The following HMG20A variants were observed in gnomAD, a reference collection of about 807,000 sequenced individuals.
HMG20A encodes high mobility group 20A.
HMG20A carries 17 observed loss-of-function variants against 43.9 expected under a neutral mutation model. The observed-to-expected ratio is 0.39, with a 90% CI of 0.27 to 0.58. The LOEUF is 0.58. Among genes scored for constraint, HMG20A ranks in the 20% least tolerant of loss-of-function variants. The pLI is 0.59. For missense variants in HMG20A, 341 were observed against 438.2 expected (o/e 0.78, Z 1.98); for synonymous variants, 132 against 147.5 (o/e 0.89, Z 0.76).
chr15:77,468,515 C>G (rs989970625), intron 4 of HMG20A, among the ~76,000 whole-genome samples: 1 of 151,928 alleles, frequency 6.6e-6, no homozygotes, highest in African/African-American at 2.4e-5. Flanking sequence ...TTCCATTTCT[C>G]CATTTGCATA....
At chr15:77,508,963 C>A in the HMG20A span, among the ~76,000 whole-genome samples, 1 of 152,200 alleles carries the variant, frequency 6.6e-6, no homozygotes, top group Non-Finnish European at 1.5e-5. Context: ...CTTCCCATGG[C>A]CTCTTTGGCC....
At chr15:77,516,773 G>C in the HMG20A span, among the ~76,000 whole-genome samples, 1 of 151,972 alleles carries the variant, frequency 6.6e-6, no homozygotes, top group Non-Finnish European at 1.5e-5. Context: ...GGGCATTCCG[G>C]GAAAAGGGGA....
intron 1 of HMG20A, chr15:77,447,622 A>G (rs578220735): frequency 1.3e-5 from 2 of 152,336 alleles, no homozygotes; most frequent in South Asian, 2.1e-4. Flanking sequence ...ATGTACCATC[A>G]CATAAGGAAT....
the HMG20A span, among the ~76,000 whole-genome samples, chr15:77,515,354 T>C: frequency 1.3e-5 from 2 of 152,220 alleles, no homozygotes; most frequent in African/African-American, 4.8e-5. Context: ...GGTGGAAGTC[T>C]GGATTTCGAT....
chr15:77,447,531 G>A (rs1020457257), intron 1 of HMG20A, among the ~76,000 whole-genome samples: 4 of 152,064 alleles, frequency 2.6e-5, no homozygotes, highest in African/African-American at 7.2e-5. Context: ...AACTGTGCCA[G>A]TCTCTTTTGA....
At chr15:77,498,162 A>G in the HMG20A span, among the ~76,000 whole-genome samples, 8 of 152,292 alleles carry the variant, frequency 5.3e-5, no homozygotes, top group African/African-American at 1.2e-4. Context: ...TAAAAATAGC[A>G]TGCAGCACAC....
At chr15:77,498,756 C>CTA in the HMG20A span, among the ~76,000 whole-genome samples, 2 of 152,204 alleles carry the variant, frequency 1.3e-5, no homozygotes, top group African/African-American at 4.8e-5. Context: ...AAAACATTTT[C>CTA]CTGGGTTCTA....
At chr15:77,464,438 G>T in intron 3 of HMG20A, 51 bp downstream of exon 3, 1 of 1,586,028 alleles carries the variant, frequency 6.3e-7, no homozygotes. Context: ...TTCTGAAGAA[G>T]CAGTCACAAG....
At chr15:77,514,224 A>C in the HMG20A span, among the ~76,000 whole-genome samples, 1 of 152,252 alleles carries the variant, frequency 6.6e-6, no homozygotes, top group Non-Finnish European at 1.5e-5. Context: ...TCCACAGCAG[A>C]CAGCATGAAT....
intron 1 of HMG20A, among the ~76,000 whole-genome samples, chr15:77,450,826 G>A (rs2073728919): frequency 6.6e-6 from 1 of 152,224 alleles, no homozygotes; most frequent in Admixed American, 6.5e-5. Flanking sequence ...TACAATGAAG[G>A]AGAGTTCTTG....
At chr15:77,493,260 A>T in the HMG20A span, among the ~76,000 whole-genome samples, 107 of 152,204 alleles carry the variant, frequency 7.0e-4, no homozygotes, top group African/African-American at 2.4e-3. Context: ...ACTTTTTTCG[A>T]TGGTGGGGTC....
chr15:77,511,576 A>G, the HMG20A span, among the ~76,000 whole-genome samples: 1 of 152,238 alleles, frequency 6.6e-6, no homozygotes, highest in South Asian at 2.1e-4. Context: ...GTGTCCAACA[A>G]CAGAAGAAAC....
intron 9 of HMG20A, among the ~76,000 whole-genome samples, chr15:77,481,057 A>G (rs987289703): frequency 9.9e-5 from 15 of 152,226 alleles, no homozygotes; most frequent in Admixed American, 8.5e-4. Context: ...ACTCATATAC[A>G]TAATTTATAT....
At chr15:77,509,798 C>T in the HMG20A span, among the ~76,000 whole-genome samples, 3 of 151,412 alleles carry the variant, frequency 2.0e-5, no homozygotes, top group Admixed American at 6.6e-5. Flanking sequence ...TCCCAGCTAC[C>T]TGGGAGGCTG....
chr15:77,508,345 G>T, the HMG20A span, among the ~76,000 whole-genome samples: 1 of 152,166 alleles, frequency 6.6e-6, no homozygotes, highest in African/African-American at 2.4e-5. Flanking sequence ...TCCCTTCGTT[G>T]CTTCTTGCAG....
At chr15:77,422,888 AAAG>A (rs1202325049) in intron 1 of HMG20A, among the ~76,000 whole-genome samples, 5 of 152,336 alleles carry the variant, frequency 3.3e-5, no homozygotes, top group South Asian at 2.1e-4. Flanking sequence ...TTAATTGATT[AAAG>A]AAGAAGTGTT....
intron 1 of HMG20A, among the ~76,000 whole-genome samples, chr15:77,429,296 A>G (rs755210392): frequency 1.8e-4 from 27 of 151,944 alleles, no homozygotes; most frequent in Non-Finnish European, 1.5e-5. Flanking sequence ...AGCTCATGCA[A>G]TTCTCCTGCC....
the HMG20A span, among the ~76,000 whole-genome samples, chr15:77,501,181 G>C: frequency 1.3e-5 from 2 of 152,142 alleles, no homozygotes; most frequent in East Asian, 3.9e-4. Context: ...AGTCTGTTGA[G>C]TTTAGTTCAG....
intron 1 of HMG20A, among the ~76,000 whole-genome samples, chr15:77,431,453 T>C (rs193079155): frequency 1.2e-4 from 19 of 152,256 alleles, no homozygotes; most frequent in Non-Finnish European, 1.8e-4. Context: ...CTCAGGTGAT[T>C]TGCCTGCCTT....
Sources: allele counts gnomAD v4.1 joint callset (sites outside exome capture counted in the v4.1 genomes callset), GRCh38; gene constraint gnomAD v4.1.1; transcripts MANE v1.5; gene names NCBI Gene and HGNC (gene_info 2026-07-23, HGNC 2026-07-21).